NRG1: variants seen among roughly 807,000 people sequenced by gnomAD.
The protein encoded by NRG1 is neuregulin 1, also known as pro-neuregulin-1, membrane-bound isoform.
Under a neutral mutation model 63.8 loss-of-function variants are expected in NRG1, and 18 were observed. The ratio of observed to expected loss-of-function variants is 0.28; its 90% CI spans 0.19 to 0.42. The LOEUF (loss-of-function observed/expected upper bound fraction) is 0.42. Ranked by LOEUF, NRG1 falls within the 10% of genes least tolerant of loss-of-function variation. The probability of loss-of-function intolerance (pLI) is 1.00; values close to 1 mark genes in which losing one functional copy is unlikely to be tolerated. For synonymous variants in NRG1, 302 were observed against 301.3 expected, an observed-to-expected ratio of 1.00 and a Z score of -0.02; for missense variants, 762 against 814.7, an observed-to-expected ratio of 0.94 and a Z score of 0.79.
At chr8:32,519,410 G>C (rs1473034068) in intron 1 of NRG1, among the ~76,000 whole-genome samples, 1 of 146,996 alleles carries the variant, frequency 6.8e-6, no homozygotes, top group Non-Finnish European at 1.5e-5. Flanking sequence ...GCTAAATGTA[G>C]TACGTATAAC....
chr8:31,716,380 A>G (rs1812351821), intron 1 of NRG1, among the ~76,000 whole-genome samples: 1 of 152,138 alleles, frequency 6.6e-6, no homozygotes, highest in Admixed American at 6.5e-5. Flanking sequence ...TGGCCTTCCA[A>G]CTCGAGCATG....
intron 1 of NRG1, among the ~76,000 whole-genome samples, chr8:32,408,153 G>T (rs1279211211): frequency 6.6e-6 from 1 of 152,130 alleles, no homozygotes; most frequent in Non-Finnish European, 1.5e-5. Flanking sequence ...ACATACTTGG[G>T]GTAGGCAGTG....
intron 1 of NRG1, among the ~76,000 whole-genome samples, chr8:32,441,792 G>A (rs2129487477): frequency 6.6e-6 from 1 of 152,184 alleles, no homozygotes; most frequent in South Asian, 2.1e-4. Flanking sequence ...AACAGTAGGT[G>A]CCAAGGCCGA....
At chr8:31,936,393 C>A (rs1314542517) in intron 1 of NRG1, among the ~76,000 whole-genome samples, 1 of 152,138 alleles carries the variant, frequency 6.6e-6, no homozygotes, top group East Asian at 1.9e-4. Context: ...TCAGATATAA[C>A]CTTTCCATTT....
chr8:32,492,079 T>C (rs946095783), intron 1 of NRG1, among the ~76,000 whole-genome samples: 1 of 151,916 alleles, frequency 6.6e-6, no homozygotes, highest in African/African-American at 2.4e-5. Context: ...ATCAAAGAAA[T>C]GTATCCAGCT....
At chr8:32,697,529 C>T (rs562658703) in intron 5 of NRG1, among the ~76,000 whole-genome samples, 12 of 152,206 alleles carry the variant, frequency 7.9e-5, no homozygotes, top group Non-Finnish European at 1.5e-4. Context: ...TTTCCTGGGG[C>T]TGGTATGGTG....
chr8:32,310,253 G>GA (rs1356118710), intron 1 of NRG1, among the ~76,000 whole-genome samples: 1 of 152,154 alleles, frequency 6.6e-6, no homozygotes, highest in African/African-American at 2.4e-5. Flanking sequence ...GGAATGCATA[G>GA]AAAAAAGAAC....
rs1239240533 is a variant in NRG1, at chr8:32,027,456, CCTT to C, written c.37+388027_37+388029del. Reference sequence around the variant, plus strand: ...TCCTTCCTTCCTTCCTTCCTTCCTTCCTTCCTTCCTTCCCTCCCTCCCTCCCTC... The same window carrying C: ...TCCTTCCTTCCTTCCTTCCTTCCTTCCCTTCCTTCCCTCCCTCCCTCCCTC... On this transcript the variant is annotated intron_variant, in intron 1 of 10. Transcript: ENST00000519301. Among the ~76,000 whole-genome samples the C allele has an allele frequency of 4.7e-4, 60 of 126,670 alleles. 1 individual carries two copies. The highest frequency in any genetic ancestry group is 9.6e-4 in the Admixed American group (12 of 12,516). The allele number at this position is 126,670 out of a possible 152,430, so 83.1% of individuals were successfully genotyped here. A position where few individuals can be genotyped will look rare whatever the true frequency, so the allele number is the denominator to read the frequency against.
chr8:31,703,899 C>T (rs1810871105), intron 1 of NRG1, among the ~76,000 whole-genome samples: 1 of 152,158 alleles, frequency 6.6e-6, no homozygotes, highest in Admixed American at 6.5e-5. Context: ...ACAATGTTGC[C>T]TAATTAATTT....
At chr8:31,767,334 C>T (rs2131550805) in intron 1 of NRG1, among the ~76,000 whole-genome samples, 1 of 152,298 alleles carries the variant, frequency 6.6e-6, no homozygotes, top group South Asian at 2.1e-4. Context: ...ATTTAGTTAT[C>T]AGGTAGTCAT....
intron 5 of NRG1, among the ~76,000 whole-genome samples, chr8:32,663,604 G>A (rs1432742517): frequency 6.6e-6 from 1 of 152,116 alleles, no homozygotes; most frequent in Non-Finnish European, 1.5e-5. Context: ...TTGCCAAGGT[G>A]CCAACTATTT....
At chr8:32,034,821 A>G (rs1474615488) in intron 1 of NRG1, among the ~76,000 whole-genome samples, 1 of 150,688 alleles carries the variant, frequency 6.6e-6, no homozygotes, top group South Asian at 2.1e-4. Context: ...CATTGTGTCT[A>G]TTTGATTTTC....
intron 1 of NRG1, among the ~76,000 whole-genome samples, chr8:31,854,490 ATTC>A (rs1351469623): frequency 6.6e-6 from 1 of 150,542 alleles, no homozygotes; most frequent in Admixed American, 6.6e-5. Flanking sequence ...TGTCTATTTG[ATTC>A]TTCTCTCTTT....
chr8:31,696,783 G>A (rs981112750), intron 1 of NRG1, among the ~76,000 whole-genome samples: 1 of 152,120 alleles, frequency 6.6e-6, no homozygotes, highest in African/African-American at 2.4e-5. Flanking sequence ...AGTGACAGCT[G>A]GGACCAGAGC....
At chr8:32,246,650 T>G (rs1229938598) in intron 1 of NRG1, among the ~76,000 whole-genome samples, 1 of 152,136 alleles carries the variant, frequency 6.6e-6, no homozygotes, top group Non-Finnish European at 1.5e-5. Flanking sequence ...AAAAATCATT[T>G]TCAAACGTGA....
At chr8:32,456,389 G>A (rs6981184) in intron 1 of NRG1, among the ~76,000 whole-genome samples, 47,212 of 151,842 alleles carry the variant, frequency 0.31, 7,580 homozygotes, top group South Asian at 0.35. Context: ...GTAGACAATT[G>A]ACCCTTGAAC....
At chr8:31,958,068 T>TAGATAGAC (rs1804758896) in intron 1 of NRG1, among the ~76,000 whole-genome samples, 1 of 151,718 alleles carries the variant, frequency 6.6e-6, no homozygotes, top group Admixed American at 6.6e-5. Flanking sequence ...GATAGATAGA[T>TAGATAGAC]AGATAGATAG....
At position 32,187,536 on chromosome 8, in the gene NRG1, A is replaced by G. The variant is rs371713884; in HGVS notation, c.38-408292A>G. ...CCCTGGAGTCAGGGCATCACCCTCC[A>G]TAAGTCTCACTGGAGGTTTGCTTCC... On this transcript the variant is annotated intron_variant, in intron 1 of 10. Transcript: ENST00000519301. Among the ~76,000 whole-genome samples the G allele has an allele frequency of 6.6e-5, 10 of 152,204 alleles. No individual in the cohort carries two copies. The South Asian group carries it at 8.3e-4, about 13-fold the overall frequency.
chr8:32,281,673 T>C (rs762190438), intron 1 of NRG1, among the ~76,000 whole-genome samples: 15 of 152,146 alleles, frequency 9.9e-5, no homozygotes, highest in Non-Finnish European at 1.8e-4. Flanking sequence ...TGCATCTATG[T>C]TGAGCAATTA....
Sources: allele counts gnomAD v4.1 joint callset (sites outside exome capture counted in the v4.1 genomes callset), GRCh38; gene constraint gnomAD v4.1.1; transcripts MANE v1.5; gene names NCBI Gene and HGNC (gene_info 2026-07-23, HGNC 2026-07-21).